TANC1: variants seen among roughly 807,000 people sequenced by gnomAD.
The protein encoded by TANC1 is protein TANC1.
Under a neutral mutation model 149.7 loss-of-function variants are expected in TANC1, and 77 were observed. The ratio of observed to expected loss-of-function variants is 0.51; its 90% CI spans 0.43 to 0.62. The LOEUF is 0.62. Ranked by LOEUF, TANC1 falls within the 20% of genes least tolerant of loss-of-function variation. The pLI, the probability that TANC1 is intolerant of heterozygous loss-of-function variation, is 0.00. For synonymous variants in TANC1, 854 were observed against 925.0 expected, an observed-to-expected ratio of 0.92 and a Z score of 1.39; for missense variants, 1,985 against 2,321.8, an observed-to-expected ratio of 0.85 and a Z score of 2.98.
chr2:159,046,287 A>C (rs913829389), intron 2 of TANC1, among the ~76,000 whole-genome samples: 4 of 152,364 alleles, frequency 2.6e-5, no homozygotes, highest in Admixed American at 2.6e-4. Context: ...ACCTTGCAAC[A>C]CATTGCTATT....
intron 1 of TANC1, among the ~76,000 whole-genome samples, chr2:158,975,249 G>C (rs1243724288): frequency 1.3e-5 from 2 of 151,728 alleles, no homozygotes; most frequent in Non-Finnish European, 2.9e-5. Flanking sequence ...TCTAACCTAG[G>C]TTTGTTGAAT....
chr2:159,116,177 A>C (rs1449908058), intron 4 of TANC1, among the ~76,000 whole-genome samples: 1 of 152,182 alleles, frequency 6.6e-6, no homozygotes, highest in African/African-American at 2.4e-5. Context: ...TTGTAATCCC[A>C]GCACTTTGGG....
intron 4 of TANC1, among the ~76,000 whole-genome samples, chr2:159,131,101 C>T (rs936689617): frequency 6.6e-6 from 1 of 152,126 alleles, no homozygotes; most frequent in African/African-American, 2.4e-5. Context: ...CCCATCTCTT[C>T]CTGCCGTGGC....
At chr2:159,179,566 C>T (rs1265812145) in intron 14 of TANC1, among the ~76,000 whole-genome samples, 1 of 152,154 alleles carries the variant, frequency 6.6e-6, no homozygotes, top group Non-Finnish European at 1.5e-5. Context: ...TGTGTGTCTG[C>T]AGACTGTCAT....
intron 24 of TANC1, 156 bp downstream of exon 24, chr2:159,225,935 AC>A (rs2059998407): frequency 2.9e-6 from 2 of 685,774 alleles, no homozygotes; most frequent in East Asian, 5.5e-5. Flanking sequence ...TAACTCCAGC[AC>A]TTTTGGAGGC....
At chr2:159,028,385 T>A (rs2039519811) in intron 2 of TANC1, among the ~76,000 whole-genome samples, 1 of 152,190 alleles carries the variant, frequency 6.6e-6, no homozygotes, top group South Asian at 2.1e-4. Flanking sequence ...CCTCCCAAAG[T>A]GCTGGGATTA....
At chr2:159,006,214 T>C (rs1175963494) in intron 2 of TANC1, among the ~76,000 whole-genome samples, 5 of 147,756 alleles carry the variant, frequency 3.4e-5, no homozygotes, top group Non-Finnish European at 5.9e-5. Flanking sequence ...GAAGATCGCT[T>C]GAAACTGGGA....
intron 5 of TANC1, among the ~76,000 whole-genome samples, chr2:159,138,249 T>C (rs557724466): frequency 1.3e-5 from 2 of 152,100 alleles, no homozygotes; most frequent in Non-Finnish European, 2.9e-5. Context: ...AGAAGCAGGG[T>C]ATGTTTTCAT....
chr2:159,097,564 T>C, intron 3 of TANC1, 73 bp from the exon 4 acceptor site: 1 of 1,135,700 alleles, frequency 8.8e-7, no homozygotes, highest in South Asian at 1.3e-5. Flanking sequence ...GAGAATATAG[T>C]TTATAGGAGT....
intron 2 of TANC1, among the ~76,000 whole-genome samples, chr2:159,062,929 T>TGCAGTCC (rs1163118019): frequency 2.4e-5 from 3 of 123,682 alleles, no homozygotes; most frequent in Non-Finnish European, 3.2e-5. Context: ...ATTGCACCAC[T>TGCAGTCC]GCAGTCCGCA....
chr2:159,190,588 G>C (rs1397054288), intron 16 of TANC1, among the ~76,000 whole-genome samples: 1 of 151,882 alleles, frequency 6.6e-6, no homozygotes, highest in South Asian at 2.1e-4. Context: ...TTTTGCTCTT[G>C]TTGCCCAGGC....
intron 3 of TANC1, among the ~76,000 whole-genome samples, chr2:159,075,324 T>G (rs961614723): frequency 2.0e-5 from 3 of 151,804 alleles, no homozygotes; most frequent in Non-Finnish European, 2.9e-5. Context: ...TCCCAACACT[T>G]TGGGAGGCTG....
At chr2:159,051,116 A>C (rs2041432688) in intron 2 of TANC1, among the ~76,000 whole-genome samples, 1 of 152,224 alleles carries the variant, frequency 6.6e-6, no homozygotes, top group Non-Finnish European at 1.5e-5. Flanking sequence ...CACCGTCTCT[A>C]ATTCAAAGCC....
chr2:158,996,888 G>GTGTA (rs2036178366), intron 1 of TANC1, among the ~76,000 whole-genome samples: 1 of 151,846 alleles, frequency 6.6e-6, no homozygotes, highest in Non-Finnish European at 1.5e-5. Flanking sequence ...AAGAACTTTA[G>GTGTA]TGTATGCAAA....
intron 3 of TANC1, among the ~76,000 whole-genome samples, chr2:159,076,327 T>G (rs2043674313): frequency 6.6e-6 from 1 of 152,218 alleles, no homozygotes; most frequent in South Asian, 2.1e-4. Context: ...TGTTAACATT[T>G]CATGTTTGTG....
Position 159,228,910 on chromosome 2 carries a change from TTA to T in TANC1, c.4151+16_4151+17del. ...GAGAAATAGCAGGTACCGTCTGTGG[TTA>T]TCTTTGTGTCTAGAGCTTTTTTTCT... On this transcript the variant is annotated intron_variant, in intron 26 of 26. Transcript: ENST00000263635. The T allele has an allele frequency of 3.7e-6, 6 of 1,603,854 alleles. No homozygotes were observed. Among genetic ancestry groups the T allele is most frequent in the Non-Finnish European group, 5.1e-6 (6 of 1,171,070 alleles).
At chr2:159,077,085 G>A (rs942849630) in intron 3 of TANC1, among the ~76,000 whole-genome samples, 1 of 151,770 alleles carries the variant, frequency 6.6e-6, no homozygotes, top group African/African-American at 2.4e-5. Flanking sequence ...AGTAGACAGG[G>A]TCTTGCTTTG....
chr2:159,190,300 GAATGTAACTGGCTGGCAA>G (rs988791179), intron 16 of TANC1, among the ~76,000 whole-genome samples: 2 of 152,244 alleles, frequency 1.3e-5, no homozygotes, highest in Admixed American at 1.3e-4. Context: ...GGGGAGGACA[GAATGTAACTGGCTGGCAA>G]AATTATCCAG....
chr2:159,055,798 A>G (rs1271427323), intron 2 of TANC1, among the ~76,000 whole-genome samples: 1 of 152,160 alleles, frequency 6.6e-6, no homozygotes, highest in African/African-American at 2.4e-5. Context: ...CATTGATCAG[A>G]TCCTGCATTC....
Sources: gnomAD v4.1 joint callset for allele counts (sites outside exome capture counted in the v4.1 genomes callset) on GRCh38, gnomAD v4.1.1 for gene constraint, MANE v1.5 for transcripts, NCBI Gene and HGNC (gene_info 2026-07-23, HGNC 2026-07-21) for gene names.